Variants in SUSD5 observed in about 807,000 individuals in gnomAD.
The protein encoded by SUSD5 is sushi domain containing 5, also known as sushi domain-containing protein 5.
In SUSD5, 33 loss-of-function variants were observed where a neutral mutation model predicts 29.5. That is an observed-to-expected ratio of 1.12 (90% CI 0.85 to 1.49). The LOEUF (loss-of-function observed/expected upper bound fraction) is 1.49, where lower values mean the gene tolerates loss of function less well. Ranked by LOEUF, SUSD5 falls within the 40% of genes most tolerant of loss-of-function variation. The pLI is 0.00. For synonymous variants in SUSD5, 308 were observed against 325.3 expected (o/e 0.95, Z 0.57); for missense variants, 776 against 800.6 (o/e 0.97, Z 0.37).
chr3:33,202,885 CTA>C (rs34166671), intron 3 of SUSD5, among the ~76,000 whole-genome samples: 18,716 of 152,148 alleles, frequency 0.12, 1,247 homozygotes, highest in East Asian at 0.18. Context: ...ATTCCACAGG[CTA>C]TGTTTTCCTT....
intron 2 of SUSD5, among the ~76,000 whole-genome samples, chr3:33,212,606 A>G (rs1435835371): frequency 6.6e-6 from 1 of 152,224 alleles, no homozygotes; most frequent in Non-Finnish European, 1.5e-5. Context: ...AGGCATCTTC[A>G]TTCACATTTT....
chr3:33,213,999 C>T lies in SUSD5; in HGVS notation c.219G>A (p.Glu73=). The change falls in exon 2 of 5, where the codon GAG becomes GAA. Residue 73 remains glutamate (E), a synonymous_variant. Coordinates refer to ENST00000309558, the MANE Select transcript of SUSD5 (RefSeq NM_015551.2). ...SRGAHLASAD[E]LRRVVQDCSF... ...AGCAATCCTGTACCACTCTCCGCAG[C>T]TCGTCTGCAGATGCCAGGTGAGCGC... is the stretch of plus-strand genomic sequence containing the variant. The T allele has an allele frequency of 3.1e-6, 5 of 1,613,864 alleles. No individual in the cohort carries two copies. Among genetic ancestry groups the T allele is most frequent in the East Asian group, 4.5e-5 (2 of 44,886 alleles).
chr3:33,197,119 A>T (rs2032011101), intron 3 of SUSD5, among the ~76,000 whole-genome samples: 1 of 152,162 alleles, frequency 6.6e-6, no homozygotes, highest in Non-Finnish European at 1.5e-5. Context: ...CTGCAGCCTC[A>T]GGGTCAAAAA....
In SUSD5 at chr3:33,204,953, TCTCTTCCTCTCTCCACAC is replaced by T. The variant is rs959901345; in HGVS notation, c.409+2837_409+2854del. Among the ~76,000 whole-genome samples, 12 of 152,070 alleles carry T rather than the reference TCTCTTCCTCTCTCCACAC, an allele frequency of 7.9e-5. No individual in the cohort carries two copies. Among genetic ancestry groups the T allele is most frequent in the African/African-American group, 2.2e-4 (9 of 41,416 alleles). The stretch of plus-strand genomic sequence containing the variant: ...CTTTTTGCTTTATCATTCTCTTCTC[TCTCTTCCTCTCTCCACAC>T]CTCTTCCTCTCTCCACACCACACAC... On this transcript the variant is annotated intron_variant, in intron 3 of 4. Coordinates refer to ENST00000309558, the MANE Select transcript of SUSD5 (RefSeq NM_015551.2). This position sits in a 1 kb window ranked among gnomAD's most constrained non-coding sequence, Gnocchi z 4.5.
intron 4 of SUSD5, chr3:33,168,430 G>T: frequency 1.2e-6 from 1 of 809,130 alleles, no homozygotes; most frequent in Non-Finnish European, 1.5e-6. Context: ...AGGAAATTAA[G>T]TCTAAAAGAT....
chr3:33,170,333 CAT>C (rs1279462990), intron 4 of SUSD5, among the ~76,000 whole-genome samples: 3 of 152,170 alleles, frequency 2.0e-5, no homozygotes, highest in East Asian at 1.9e-4. Context: ...AAACCAAGAA[CAT>C]GTGTGGATTT....
chr3:33,172,352 G>A (rs1444751592), intron 4 of SUSD5, among the ~76,000 whole-genome samples: 2 of 152,230 alleles, frequency 1.3e-5, no homozygotes, highest in African/African-American at 4.8e-5. Flanking sequence ...CTGCATTGCA[G>A]TGGGAACATA....
In SUSD5 at chr3:33,151,965, C is replaced by T. The variant is rs1327309062; in HGVS notation, c.*777G>A. ...TGTCCTGGCTCTTGGTTCATCTGCC[C>T]TCAGCAACATCACAACATTAAAAGG... On this transcript the variant is annotated 3_prime_UTR_variant, in exon 5 of 5. Coordinates refer to ENST00000309558, the MANE Select transcript of SUSD5 (RefSeq NM_015551.2). 1 of 152,150 alleles carries T rather than the reference C, an allele frequency of 6.6e-6. No individual in the cohort carries two copies. Among genetic ancestry groups the T allele is most frequent in the Non-Finnish European group, 1.5e-5 (1 of 68,040 alleles). The allele number at this position is 152,150 out of a possible 1,614,324, so 9.4% of individuals were successfully genotyped here. A position where few individuals can be genotyped will look rare whatever the true frequency, so the allele number is the denominator to read the frequency against.
chr3:33,218,726 C>T lies in SUSD5; in HGVS notation c.72G>A (p.Leu24=). 2.2e-6 allele frequency: 3 copies of T among 1,349,476 alleles called. No individual in the cohort carries two copies. Among genetic ancestry groups the T allele is most frequent in the South Asian group, 3.7e-5 (2 of 54,516 alleles). 83.6% of individuals were successfully genotyped at this position (1,349,476 alleles called of 1,614,324 possible). A position where few individuals can be genotyped will look rare whatever the true frequency, so the allele number is the denominator to read the frequency against. The change falls in exon 1 of 5, where the codon CTG becomes CTA. Residue 24 remains leucine, a synonymous_variant. Transcript: ENST00000309558. ...AAAGGCGCGGCAGACCGAGCAGGAG[C>T]AGCGCCGCCGCCCAGAGCCCGGGGA... The part of the protein sequence containing the change: ...RRLPGLWAAA[L]LLLGLPRLSV...
intron 2 of SUSD5, among the ~76,000 whole-genome samples, chr3:33,211,121 C>A (rs1270880272): frequency 6.6e-6 from 1 of 152,056 alleles, no homozygotes; most frequent in East Asian, 1.9e-4. Flanking sequence ...CTTGAACTCC[C>A]GACCACAACT....
In SUSD5 at chr3:33,180,476, C is replaced by G. The variant is rs116787288; in HGVS notation, c.410-5402G>C. 2.0e-3 allele frequency among the ~76,000 whole-genome samples: 303 copies of G among 152,092 alleles called. 1 individual carries two copies. Among genetic ancestry groups the G allele is most frequent in the African/African-American group, 6.9e-3 (285 of 41,484 alleles). On this transcript the variant is annotated intron_variant, in intron 3 of 4. Transcript: ENST00000309558. ...CCTGGGCTCAAGTGATCCTCTTGCC[C>G]CAGTTTCCTGAATAGCTGGGACTAT...
intron 4 of SUSD5, among the ~76,000 whole-genome samples, chr3:33,166,000 G>A (rs1477668282): frequency 9.0e-6 from 1 of 111,512 alleles, no homozygotes; most frequent in African/African-American, 3.1e-5. Context: ...GACAGAGTGA[G>A]ACCCCCCTCT....
intron 3 of SUSD5, among the ~76,000 whole-genome samples, chr3:33,178,110 T>G (rs2031589915): frequency 6.6e-6 from 1 of 152,128 alleles, no homozygotes; most frequent in African/African-American, 2.4e-5. Flanking sequence ...GGTTTTTTTG[T>G]TTTGTTTTTG....
chr3:33,209,930 C>T (rs2032292310), intron 2 of SUSD5, among the ~76,000 whole-genome samples: 1 of 152,088 alleles, frequency 6.6e-6, no homozygotes, highest in Non-Finnish European at 1.5e-5. Context: ...CACACTCTGC[C>T]AAAATTCTCC....
chr3:33,194,993 A>G (rs1575540497), intron 3 of SUSD5, among the ~76,000 whole-genome samples: 1 of 152,272 alleles, frequency 6.6e-6, no homozygotes, highest in Non-Finnish European at 1.5e-5. Flanking sequence ...TCACGAGTTC[A>G]AGACCAGCCT....
intron 4 of SUSD5, among the ~76,000 whole-genome samples, chr3:33,165,501 GTATT>G (rs1217048109): frequency 2.0e-5 from 3 of 152,112 alleles, no homozygotes; most frequent in African/African-American, 7.2e-5. Context: ...GAAATGTTCT[GTATT>G]TATCTTACTC....
At chr3:33,181,788 C>T (rs182893265) in intron 3 of SUSD5, among the ~76,000 whole-genome samples, 26 of 152,316 alleles carry the variant, frequency 1.7e-4, no homozygotes, top group African/African-American at 2.4e-5. Flanking sequence ...TACAGTAACA[C>T]ACTGTACAGG....
chr3:33,186,961 G>A (rs183116224), intron 3 of SUSD5, among the ~76,000 whole-genome samples: 17 of 152,098 alleles, frequency 1.1e-4, no homozygotes, highest in South Asian at 2.1e-4. Flanking sequence ...TGCATCCTCC[G>A]CAGGGTGAGT....
chr3:33,193,327 T>C (rs919090129), intron 3 of SUSD5, among the ~76,000 whole-genome samples: 1 of 152,168 alleles, frequency 6.6e-6, no homozygotes, highest in Admixed American at 6.5e-5. Flanking sequence ...GAGGAGGCCA[T>C]TTGAGCTGTC....
Sources: gnomAD v4.1 joint callset for allele counts (sites outside exome capture counted in the v4.1 genomes callset) on GRCh38, gnomAD v4.1.1 for gene constraint, Gnocchi (gnomAD v3.1) non-coding constraint, MANE v1.5 for transcripts, NCBI Gene and HGNC (gene_info 2026-07-23, HGNC 2026-07-21) for gene names.